Variants in ALK observed in about 807,000 individuals in gnomAD.
The protein encoded by ALK is ALK tyrosine kinase receptor.
Under a neutral mutation model 163.1 loss-of-function variants are expected in ALK, and 74 were observed. That is an observed-to-expected ratio of 0.45 (90% CI 0.38 to 0.55). The LOEUF is 0.55. Ranked by LOEUF, ALK falls within the 20% of genes least tolerant of loss-of-function variation. The pLI is 0.00. For synonymous variants in ALK, 960 were observed against 843.2 expected (o/e 1.14, Z -2.40); for missense variants, 2,063 against 2,105.3 (o/e 0.98, Z 0.39).
chr2:29,507,182 A>C (rs968375003), intron 4 of ALK, among the ~76,000 whole-genome samples: 2 of 152,236 alleles, frequency 1.3e-5, no homozygotes, highest in African/African-American at 4.8e-5. Context: ...ACAATGGAAT[A>C]TTATTCAGCA....
At chr2:29,750,045 C>A (rs76710677) in intron 1 of ALK, among the ~76,000 whole-genome samples, 322 of 152,326 alleles carry the variant, frequency 2.1e-3, no homozygotes, top group African/African-American at 7.4e-3. Flanking sequence ...AGGAAAGAGG[C>A]AGCAGGCAGA....
intron 4 of ALK, among the ~76,000 whole-genome samples, chr2:29,446,441 T>C (rs1013791573): frequency 1.3e-5 from 2 of 152,114 alleles, no homozygotes; most frequent in African/African-American, 4.8e-5. Flanking sequence ...AAATAAGAGA[T>C]ATAACTGGGA....
chr2:29,541,404 T>C (rs181272082), intron 3 of ALK, among the ~76,000 whole-genome samples: 137 of 152,318 alleles, frequency 9.0e-4, no homozygotes, highest in African/African-American at 3.3e-3. Flanking sequence ...GCAATTCTCC[T>C]GCCTCAGCCT....
chr2:29,683,135 G>A, intron 3 of ALK, among the ~76,000 whole-genome samples: 1 of 152,258 alleles, frequency 6.6e-6, no homozygotes, highest in Non-Finnish European at 1.5e-5. Context: ...TCAGCACTTT[G>A]GGTGACCGAG....
Position 29,232,344 on chromosome 2 carries a change from G to A in ALK, c.2592C>T (p.Asn864=). 6.2e-7 allele frequency: 1 copy of A among 1,614,260 alleles called. No individual in the cohort carries two copies. The highest frequency in any genetic ancestry group is 1.1e-5 in the South Asian group (1 of 91,086). The change falls in exon 15 of 29, where the codon AAC becomes AAT. Residue 864 remains asparagine (N), a synonymous_variant. Coordinates refer to ENST00000389048, the MANE Select transcript of ALK (RefSeq NM_004304.5). ...TGCCGTTTAGCCCTAGAACCGAGGA[G>A]TTATTCTCCAGTCTCTCTGGGTGGA... ...DTFHPERLEN[N]SSVLGLNGNS...
chr2:29,719,696 G>T (rs1679370978), intron 1 of ALK, among the ~76,000 whole-genome samples: 1 of 152,142 alleles, frequency 6.6e-6, no homozygotes, highest in African/African-American at 2.4e-5. Flanking sequence ...CACACAGCCA[G>T]CAGGAGACAG....
intron 1 of ALK, among the ~76,000 whole-genome samples, chr2:29,783,828 C>T (rs906526891): frequency 1.3e-5 from 2 of 152,138 alleles, no homozygotes; most frequent in African/African-American, 4.8e-5. Flanking sequence ...ACGGTCACCC[C>T]CAGGGACAAA....
At chr2:29,513,186 C>T (rs182987403) in intron 4 of ALK, among the ~76,000 whole-genome samples, 17,808 of 133,342 alleles carry the variant, frequency 0.13, 1,590 homozygotes, top group East Asian at 0.23. Context: ...GAGCCCACAT[C>T]GCCAAGTCAA....
intron 8 of ALK, among the ~76,000 whole-genome samples, chr2:29,308,441 G>A (rs74822228): frequency 0.055 from 8,322 of 152,244 alleles, 306 homozygotes; most frequent in Non-Finnish European, 0.08. Context: ...TAAAAAGGTG[G>A]TGAGAGAGGA....
chr2:29,733,995 T>A (rs1679819236), intron 1 of ALK, among the ~76,000 whole-genome samples: 1 of 152,092 alleles, frequency 6.6e-6, no homozygotes, highest in South Asian at 2.1e-4. Flanking sequence ...TTGCTTGTAA[T>A]GCTTACAAAA....
intron 14 of ALK, 87 bp from the exon 15 acceptor site, chr2:29,232,535 A>G: frequency 6.3e-7 from 1 of 1,577,022 alleles, no homozygotes; most frequent in East Asian, 2.3e-5. Context: ...AACCTGACTG[A>G]GGGTTTGCTG....
At chr2:29,211,082 A>C (rs1174594169) in intron 24 of ALK, among the ~76,000 whole-genome samples, 1 of 152,214 alleles carries the variant, frequency 6.6e-6, no homozygotes, top group Admixed American at 6.5e-5. Context: ...AGGTTGAGAA[A>C]GGACTTAGAG....
At chr2:29,231,110 G>C (rs1664192009) in intron 15 of ALK, among the ~76,000 whole-genome samples, 1 of 152,214 alleles carries the variant, frequency 6.6e-6, no homozygotes, top group Non-Finnish European at 1.5e-5. Context: ...GGCCGAGGCA[G>C]GTGGGTCACC....
intron 2 of ALK, among the ~76,000 whole-genome samples, chr2:29,714,528 C>G (rs867890416): frequency 2.6e-5 from 4 of 152,132 alleles, no homozygotes; most frequent in Admixed American, 1.3e-4. Flanking sequence ...GCTCACCCAA[C>G]AGAGGCCTAG....
At chr2:29,704,970 C>G (rs1458233591) in intron 2 of ALK, among the ~76,000 whole-genome samples, 1 of 151,906 alleles carries the variant, frequency 6.6e-6, no homozygotes, top group Non-Finnish European at 1.5e-5. Flanking sequence ...GTAATCCCAG[C>G]ACTTTGGGAG....
intron 5 of ALK, among the ~76,000 whole-genome samples, chr2:29,347,574 A>G (rs1267453661): frequency 6.6e-6 from 1 of 152,238 alleles, no homozygotes; most frequent in South Asian, 2.1e-4. Flanking sequence ...CAAGCAAAGA[A>G]TTTGGGAAGT....
At chr2:29,495,643 G>T (rs1019206956) in intron 4 of ALK, among the ~76,000 whole-genome samples, 1 of 152,130 alleles carries the variant, frequency 6.6e-6, no homozygotes, top group Non-Finnish European at 1.5e-5. Flanking sequence ...GAGTGATAAA[G>T]ATCATCTATT....
At chr2:29,471,011 T>C (rs1383114722) in intron 4 of ALK, among the ~76,000 whole-genome samples, 1 of 152,186 alleles carries the variant, frequency 6.6e-6, no homozygotes, top group African/African-American at 2.4e-5. Context: ...TATACTCTAA[T>C]GGTCACTAGG....
intron 12 of ALK, 33 bp from the exon 13 acceptor site, chr2:29,239,863 G>A (rs1353035815): frequency 6.2e-7 from 1 of 1,605,334 alleles, no homozygotes. Flanking sequence ...GGCTCCCGCT[G>A]TGGTATGAAG....
Sources: allele counts gnomAD v4.1 joint callset (sites outside exome capture counted in the v4.1 genomes callset), GRCh38; gene constraint gnomAD v4.1.1; transcripts MANE v1.5; gene names NCBI Gene and HGNC (gene_info 2026-07-23, HGNC 2026-07-21).